TRAPPC6B: variants seen among roughly 807,000 people sequenced by gnomAD.
The protein encoded by TRAPPC6B is TRAPP complex subunit 6B.
Under a neutral mutation model 24.7 loss-of-function variants are expected in TRAPPC6B, and 27 were observed. The ratio of observed to expected loss-of-function variants is 1.09; its 90% CI spans 0.81 to 1.51. TRAPPC6B has a LOEUF of 1.51. Ranked by LOEUF, TRAPPC6B falls within the 40% of genes most tolerant of loss-of-function variation. TRAPPC6B has a pLI of 0.00. For synonymous variants in TRAPPC6B, 80 were observed against 66.6 expected, an observed-to-expected ratio of 1.20 and a Z score of -0.98; for missense variants, 212 against 190.8, an observed-to-expected ratio of 1.11 and a Z score of -0.66.
At chr14:39,166,152 T>G (rs951979445) in intron 1 of TRAPPC6B, among the ~76,000 whole-genome samples, 4 of 151,626 alleles carry the variant, frequency 2.6e-5, no homozygotes, top group Middle Eastern at 3.4e-3. Flanking sequence ...GTTGCCCAGG[T>G]TGGTCTCCAA....
At chr14:39,154,155 C>G in intron 4 of TRAPPC6B, 56 bp downstream of exon 4, 1 of 1,096,380 alleles carries the variant, frequency 9.1e-7, no homozygotes, top group East Asian at 2.4e-5. Context: ...TAGCACTGTA[C>G]TTTTCCCTGT....
chr14:39,155,870 C>T (rs552466983), intron 3 of TRAPPC6B, among the ~76,000 whole-genome samples: 1 of 152,190 alleles, frequency 6.6e-6, no homozygotes, highest in Non-Finnish European at 1.5e-5. Context: ...TTGCTGTTAT[C>T]CAGGCAAAAG....
In TRAPPC6B at chr14:39,149,369, C is replaced by T. The variant is rs1380859554; in HGVS notation, c.*981G>A. ...AAAAGGGTAATAAATAAATGGGAAA[C>T]AAAGTATAGTTTTAGTAATCAACAT... On this transcript the variant is annotated 3_prime_UTR_variant, in exon 6 of 6. Coordinates refer to ENST00000330149, the MANE Select transcript of TRAPPC6B (RefSeq NM_001079537.2). 6.6e-6 allele frequency: 1 copy of T among 152,048 alleles called. No homozygotes were observed. Among genetic ancestry groups the T allele is most frequent in the East Asian group, 1.9e-4 (1 of 5,200 alleles). The allele number at this position is 152,048 out of a possible 1,614,324, so 9.4% of individuals were successfully genotyped here.
chr14:39,168,117 G>A (rs1242547632), intron 1 of TRAPPC6B, among the ~76,000 whole-genome samples: 3 of 151,754 alleles, frequency 2.0e-5, no homozygotes, highest in Non-Finnish European at 2.9e-5. Context: ...TCAGGAGGCT[G>A]AAGCAGGAGA....
intron 1 of TRAPPC6B, among the ~76,000 whole-genome samples, chr14:39,165,749 G>C (rs758475850): frequency 4.6e-5 from 7 of 152,134 alleles, no homozygotes; most frequent in Non-Finnish European, 1.0e-4. Flanking sequence ...GTGAGCCAAA[G>C]TCCCAACACT....
In TRAPPC6B at chr14:39,151,732, C is replaced by T. The variant is rs8003807; in HGVS notation, c.445+14G>A. The T allele has an allele frequency of 0.93, 1,428,504 of 1,541,016 alleles. 662,790 individuals carry two copies. The highest frequency in any genetic ancestry group is 0.97 in the East Asian group (41,652 of 43,108). On this transcript the variant is annotated intron_variant, in intron 5 of 5. Coordinates refer to ENST00000330149, the MANE Select transcript of TRAPPC6B (RefSeq NM_001079537.2). ...ATTACTAAAACATTTGTAAGAAAGG[C>T]GAATTCAACTTACAAGCAGGCATTG...
chr14:39,164,101 T>C (rs2053084332), intron 1 of TRAPPC6B, among the ~76,000 whole-genome samples: 1 of 143,562 alleles, frequency 7.0e-6, no homozygotes, highest in African/African-American at 3.0e-5. Flanking sequence ...GGTTTTTAGC[T>C]ATAGCTTTCC....
intron 5 of TRAPPC6B, 52 bp from the exon 6 acceptor site, chr14:39,150,433 GT>G: frequency 7.5e-7 from 1 of 1,324,630 alleles, no homozygotes; most frequent in South Asian, 1.3e-5. Context: ...AAGAAAACAA[GT>G]CTAAACATCA....
At chr14:39,156,022 A>G (rs2052974101) in intron 3 of TRAPPC6B, among the ~76,000 whole-genome samples, 1 of 151,928 alleles carries the variant, frequency 6.6e-6, no homozygotes, top group South Asian at 2.1e-4. Flanking sequence ...CCAACTCCTG[A>G]GCTCAAGCAA....
At chr14:39,151,155 G>A (rs1454565272) in intron 5 of TRAPPC6B, among the ~76,000 whole-genome samples, 1 of 152,008 alleles carries the variant, frequency 6.6e-6, no homozygotes, top group Non-Finnish European at 1.5e-5. Flanking sequence ...ACTTTGGGAG[G>A]CCGAGGCAGA....
intron 1 of TRAPPC6B, among the ~76,000 whole-genome samples, chr14:39,160,436 TG>T (rs1442515544): frequency 6.6e-6 from 1 of 151,738 alleles, no homozygotes; most frequent in African/African-American, 2.4e-5. Context: ...ATAAAATAGC[TG>T]GGCATGGTAG....
intron 3 of TRAPPC6B, among the ~76,000 whole-genome samples, chr14:39,155,149 G>T (rs2139379517): frequency 6.6e-6 from 1 of 151,978 alleles, no homozygotes; most frequent in African/African-American, 2.4e-5. Context: ...AGGCTGGTCT[G>T]GAACTCCAGG....
intron 1 of TRAPPC6B, among the ~76,000 whole-genome samples, 156 bp from the exon 2 acceptor site, chr14:39,159,706 A>G (rs45544433): frequency 0.042 from 6,306 of 151,808 alleles, 169 homozygotes; most frequent in Non-Finnish European, 0.068. Flanking sequence ...GGTTGATTTT[A>G]TTTATTTTAC....
chr14:39,165,654 C>T (rs1482772036), intron 1 of TRAPPC6B, among the ~76,000 whole-genome samples: 1 of 149,652 alleles, frequency 6.7e-6, no homozygotes, highest in East Asian at 2.0e-4. Flanking sequence ...TTTTAATTAG[C>T]TGGACATGGT....
chr14:39,166,646 T>G (rs532988787), intron 1 of TRAPPC6B, among the ~76,000 whole-genome samples: 1 of 152,334 alleles, frequency 6.6e-6, no homozygotes, highest in African/African-American at 2.4e-5. Context: ...TCTGCTAAAA[T>G]GTAGGTAGTT....
intron 5 of TRAPPC6B, among the ~76,000 whole-genome samples, chr14:39,150,602 G>C (rs1031375598): frequency 5.9e-5 from 9 of 151,904 alleles, no homozygotes; most frequent in African/African-American, 2.2e-4. Context: ...GCAGTGGCAC[G>C]ATCTCTGCTC....
intron 5 of TRAPPC6B, 38 bp from the exon 6 acceptor site, chr14:39,150,419 TA>T: frequency 1.4e-6 from 2 of 1,446,874 alleles, no homozygotes; most frequent in Non-Finnish European, 1.9e-6. Context: ...TGATTTTAGA[TA>T]CAAAGAAAAC....
intron 3 of TRAPPC6B, among the ~76,000 whole-genome samples, chr14:39,155,536 C>T (rs1008094812): frequency 2.7e-5 from 4 of 149,890 alleles, no homozygotes; most frequent in Non-Finnish European, 4.4e-5. Flanking sequence ...CCACCGCACC[C>T]GGATTTATTT....
chr14:39,157,106 C>CAAAA (rs58837625), intron 3 of TRAPPC6B: 2 of 142,910 alleles, frequency 1.4e-5, no homozygotes, highest in African/African-American at 3.3e-5. Context: ...GACTCCATCT[C>CAAAA]AAAAAAAAAA....
Sources: gnomAD v4.1 joint callset for allele counts (sites outside exome capture counted in the v4.1 genomes callset) on GRCh38, gnomAD v4.1.1 for gene constraint, MANE v1.5 for transcripts, NCBI Gene and HGNC (gene_info 2026-07-23, HGNC 2026-07-21) for gene names.